The following TIAM2 variants were observed in gnomAD, a reference collection of about 807,000 sequenced individuals.
TIAM2 encodes the protein TIAM Rac1 associated GEF 2.
A neutral mutation model predicts 152.9 loss-of-function variants in TIAM2; 80 were observed. The ratio of observed to expected loss-of-function variants is 0.52; its 90% CI spans 0.44 to 0.63. The LOEUF is 0.63. Among genes scored for constraint, TIAM2 ranks in the 30% least tolerant of loss-of-function variants. The pLI is 0.00. For missense variants in TIAM2, 1,965 were observed against 2,120.1 expected, an observed-to-expected ratio of 0.93 and a Z score of 1.44; for synonymous variants, 804 against 838.0, an observed-to-expected ratio of 0.96 and a Z score of 0.70.
intron 1 of TIAM2, among the ~76,000 whole-genome samples, chr6:155,047,700 AGAGAGC>A (rs1391453986): frequency 0.024 from 626 of 25,762 alleles, 22 homozygotes; most frequent in Non-Finnish European, 0.036. Context: ...AGAGAGAGAG[AGAGAGC>A]GAGAGAGAGA....
intron 26 of TIAM2, chr6:155,256,185 C>A (rs1784010563): frequency 9.2e-6 from 5 of 543,206 alleles, no homozygotes; most frequent in South Asian, 2.5e-5. Flanking sequence ...TCAACTTACT[C>A]CTTGGCAAAA....
At chr6:155,104,028 T>TCA (rs869238864) in intron 2 of TIAM2, among the ~76,000 whole-genome samples, 1,374 of 90,328 alleles carry the variant, frequency 0.015, 165 homozygotes, top group African/African-American at 0.035. Flanking sequence ...TGTATTTACC[T>TCA]CACACACACA....
At position 155,006,192 on chromosome 6, in the gene TIAM2, C is replaced by T. The variant is rs150272861; in HGVS notation, c.-209+10700C>T. On this transcript the variant is annotated intron_variant, in intron 1 of 26. Coordinates refer to ENST00000682666, the MANE Select transcript of TIAM2 (RefSeq NM_012454.4). ...CACGGCAGAGCTGGTGATCAGTGAC[C>T]GAGTGCCTACCAAGTCCCTGACGTT... Among the ~76,000 whole-genome samples, 4 of 152,220 alleles carry T rather than the reference C, an allele frequency of 2.6e-5. No homozygotes were observed. In the East Asian group the frequency reaches 5.8e-4, roughly 22 times the overall value.
At chr6:155,207,515 C>T (rs1781624392) in intron 14 of TIAM2, among the ~76,000 whole-genome samples, 1 of 152,220 alleles carries the variant, frequency 6.6e-6, no homozygotes, top group South Asian at 2.1e-4. Context: ...GCTGAGATTT[C>T]CTGTCTTGGC....
intron 14 of TIAM2, among the ~76,000 whole-genome samples, chr6:155,197,289 T>A (rs369001614): frequency 2.0e-5 from 3 of 152,252 alleles, no homozygotes; most frequent in African/African-American, 7.2e-5. Context: ...CATGTTTCAG[T>A]TGATGAATGG....
chr6:155,249,726 A>G, intron 20 of TIAM2, 125 bp from the exon 21 acceptor site: 1 of 686,932 alleles, frequency 1.5e-6, no homozygotes, highest in Admixed American at 3.0e-5. Context: ...TCTGAATGTA[A>G]TGCTCCTGCT....
At chr6:155,244,521 GTCT>G in intron 17 of TIAM2, 134 bp from the exon 18 acceptor site, 2 of 1,061,266 alleles carry the variant, frequency 1.9e-6, no homozygotes, top group Non-Finnish European at 2.7e-6. Flanking sequence ...TGAATGTGCT[GTCT>G]TCTTAAAGGA....
intron 14 of TIAM2, among the ~76,000 whole-genome samples, chr6:155,198,571 G>A (rs754070116): frequency 6.8e-6 from 1 of 146,230 alleles, no homozygotes; most frequent in Non-Finnish European, 1.5e-5. Flanking sequence ...CTGAGGCAGG[G>A]GAATCACTTG....
intron 12 of TIAM2, among the ~76,000 whole-genome samples, chr6:155,180,228 G>A (rs1465378766): frequency 2.6e-5 from 4 of 152,120 alleles, no homozygotes; most frequent in East Asian, 1.9e-4. Context: ...GCAGTGAGCC[G>A]TAAGCCAAGA....
At chr6:155,107,096 T>C (rs565385965) in intron 2 of TIAM2, among the ~76,000 whole-genome samples, 68 of 152,300 alleles carry the variant, frequency 4.5e-4, no homozygotes, top group African/African-American at 1.6e-3. Flanking sequence ...GACTCTAGCT[T>C]TGTGAAACTT....
chr6:155,132,083 C>T (rs1474738646), intron 4 of TIAM2, among the ~76,000 whole-genome samples: 1 of 150,722 alleles, frequency 6.6e-6, no homozygotes, highest in African/African-American at 2.4e-5. Context: ...GATAGTTTGC[C>T]TTTTTAGGTA....
intron 4 of TIAM2, 144 bp downstream of exon 4, chr6:155,130,561 C>A: frequency 1.4e-6 from 1 of 733,402 alleles, no homozygotes; most frequent in Non-Finnish European, 2.2e-6. Flanking sequence ...AAGCCTGGCT[C>A]ATCTCATTTT....
intron 1 of TIAM2, among the ~76,000 whole-genome samples, chr6:155,029,734 G>A (rs922050415): frequency 4.5e-5 from 6 of 133,032 alleles, no homozygotes. Context: ...TAACTATATA[G>A]TATATAACTA....
chr6:155,070,209 C>CTTTTTTTTTTTTTTTTTTTTTTTT (rs559307371), intron 1 of TIAM2, among the ~76,000 whole-genome samples: 2 of 44,126 alleles, frequency 4.5e-5, no homozygotes, highest in Non-Finnish European at 7.4e-5. Flanking sequence ...CCTGGCCAGA[C>CTTTTTTTTTTTTTTTTTTTTTTTT]TTTTTTTTTT....
At chr6:155,109,112 TA>T (rs1778769505) in intron 2 of TIAM2, among the ~76,000 whole-genome samples, 1 of 152,024 alleles carries the variant, frequency 6.6e-6, no homozygotes, top group East Asian at 1.9e-4. Context: ...GCCTCCCGAG[TA>T]GCTGGGACTA....
In TIAM2 at chr6:155,213,619, G is replaced by A. The variant is rs532060586; in HGVS notation, c.3168+2312G>A. On this transcript the variant is annotated intron_variant, in intron 15 of 26. Transcript: ENST00000682666. This position sits in a 1 kb window ranked among gnomAD's most constrained non-coding sequence, Gnocchi z 4.2. Reference sequence around the variant, plus strand: ...AGCCCCCAGACTTCAGGCCTTCCCCGGCTTGAAAGTGGGGCTTTTCTGGGG... The same window carrying A: ...AGCCCCCAGACTTCAGGCCTTCCCCAGCTTGAAAGTGGGGCTTTTCTGGGG... Among the ~76,000 whole-genome samples, 17 of 152,294 alleles carry A rather than the reference G, an allele frequency of 1.1e-4. No homozygotes were observed. Among genetic ancestry groups the A allele is most frequent in the Admixed American group, 4.6e-4 (7 of 15,298 alleles).
intron 1 of TIAM2, among the ~76,000 whole-genome samples, chr6:155,047,587 T>C (rs1044260838): frequency 6.6e-6 from 1 of 151,356 alleles, no homozygotes; most frequent in Non-Finnish European, 1.5e-5. Flanking sequence ...AGCCCATTGA[T>C]GTCTTGAAAC....
intron 1 of TIAM2, among the ~76,000 whole-genome samples, chr6:155,039,872 A>T (rs7756470): frequency 1.3e-5 from 2 of 152,166 alleles, no homozygotes; most frequent in African/African-American, 4.8e-5. Context: ...AAGTGTGTTA[A>T]ATTCAGAAGA....
intron 15 of TIAM2, among the ~76,000 whole-genome samples, chr6:155,227,663 G>A (rs1400856028): frequency 6.6e-6 from 1 of 152,206 alleles, no homozygotes; most frequent in East Asian, 1.9e-4. Context: ...GACTGTATTT[G>A]TGAAATTGCA....
Sources: gnomAD v4.1 joint callset for allele counts (sites outside exome capture counted in the v4.1 genomes callset) on GRCh38, gnomAD v4.1.1 for gene constraint, Gnocchi (gnomAD v3.1) non-coding constraint, MANE v1.5 for transcripts, NCBI Gene and HGNC (gene_info 2026-07-23, HGNC 2026-07-21) for gene names.